EXOC2: variants seen among roughly 807,000 people sequenced by gnomAD.
EXOC2 encodes the protein SEC5-like 1.
Under a neutral mutation model 131.8 loss-of-function variants are expected in EXOC2, and 70 were observed. The observed-to-expected ratio is 0.53, with a 90% confidence interval of 0.44 to 0.65. The LOEUF is 0.65. EXOC2 is among the 30% of genes least tolerant of loss of function. EXOC2 has a pLI of 0.00. For synonymous variants in EXOC2, 411 were observed against 398.4 expected, an observed-to-expected ratio of 1.03 and a Z score of -0.38; for missense variants, 923 against 1,108.6, an observed-to-expected ratio of 0.83 and a Z score of 2.38.
At position 581,302 on chromosome 6, in the gene EXOC2, A is replaced by C. The variant is rs867326632; in HGVS notation, c.1193-4420T>G. Among the ~76,000 whole-genome samples the C allele has an allele frequency of 3.7e-3, 560 of 152,224 alleles. 3 individuals are homozygous for C. Among genetic ancestry groups the C allele is most frequent in the South Asian group, 0.01 (50 of 4,824 alleles). On this transcript the variant is annotated intron_variant, in intron 11 of 27. Coordinates refer to ENST00000230449, the MANE Select transcript of EXOC2 (RefSeq NM_018303.6). ...CAGAGCGAGACTCTGTCTCAAAAAA[A>C]AAAAAAAAAAGTAACAGTGAAAACT...
intron 23 of EXOC2, among the ~76,000 whole-genome samples, chr6:504,222 C>T (rs1419151548): frequency 2.0e-5 from 3 of 152,210 alleles, no homozygotes; most frequent in East Asian, 1.9e-4. Flanking sequence ...CGGTGACGTA[C>T]GGTGATGCAG....
At chr6:499,943 A>G (rs1763949257) in intron 23 of EXOC2, among the ~76,000 whole-genome samples, 1 of 152,188 alleles carries the variant, frequency 6.6e-6, no homozygotes, top group African/African-American at 2.4e-5. Flanking sequence ...TATGTTCTCT[A>G]TAACTGGCTC....
At chr6:496,192 C>T (rs1224683500) in intron 25 of EXOC2, among the ~76,000 whole-genome samples, 1 of 152,140 alleles carries the variant, frequency 6.6e-6, no homozygotes, top group African/African-American at 2.4e-5. Context: ...TTAAGGGTGG[C>T]TTCAGGTGAT....
intron 20 of EXOC2, 30 bp from the exon 21 acceptor site, chr6:553,950 C>T: frequency 6.4e-7 from 1 of 1,562,718 alleles, no homozygotes. Flanking sequence ...GGAACAGTTA[C>T]AAATAAAGCA....
chr6:529,436 A>G (rs1425336861), intron 23 of EXOC2, among the ~76,000 whole-genome samples: 2 of 152,198 alleles, frequency 1.3e-5, no homozygotes, highest in African/African-American at 4.8e-5. Context: ...TCAGGGGCAA[A>G]TAAATCCTCT....
At position 624,190 on chromosome 6, in the gene EXOC2, C is replaced by A. The variant is rs142273420; in HGVS notation, c.423-4647G>T. Among the ~76,000 whole-genome samples the A allele has an allele frequency of 7.0e-4, 107 of 152,262 alleles. 2 individuals carry two copies. The East Asian group carries it at 0.016, about 22-fold the overall frequency. On this transcript the variant is annotated intron_variant, in intron 4 of 27. Coordinates refer to ENST00000230449, the MANE Select transcript of EXOC2 (RefSeq NM_018303.6). ...AAAAAATGAATACCAATGCCAGAGT[C>A]CATGAAGCTCCATGGGTAACACAGC...
At chr6:692,088 G>GC (rs1375017331) in intron 1 of EXOC2, among the ~76,000 whole-genome samples, 2 of 152,178 alleles carry the variant, frequency 1.3e-5, no homozygotes, top group East Asian at 3.8e-4. Flanking sequence ...ATCCACATAA[G>GC]CTCAGAAGTA....
At chr6:634,840 G>T (rs1396035190) in intron 2 of EXOC2, among the ~76,000 whole-genome samples, 1 of 151,464 alleles carries the variant, frequency 6.6e-6, no homozygotes, top group African/African-American at 2.4e-5. Flanking sequence ...AATAATTTTT[G>T]TTATGAAAAA....
At chr6:497,329 C>G (rs754597082) in intron 25 of EXOC2, 38 bp downstream of exon 25, 1 of 1,596,644 alleles carries the variant, frequency 6.3e-7, no homozygotes, top group Non-Finnish European at 8.6e-7. Flanking sequence ...CTTTAAATAA[C>G]AACAGAAGTT....
At chr6:584,597 C>T (rs939117494) in intron 11 of EXOC2, among the ~76,000 whole-genome samples, 2 of 152,168 alleles carry the variant, frequency 1.3e-5, no homozygotes, top group African/African-American at 4.8e-5. Context: ...TATAATAGCT[C>T]CACCACTGTG....
chr6:489,239 G>A (rs994354782), intron 26 of EXOC2, among the ~76,000 whole-genome samples: 4 of 152,156 alleles, frequency 2.6e-5, no homozygotes, highest in Non-Finnish European at 4.4e-5. Context: ...TTGTAGCAAC[G>A]GGGTCAGAAA....
At chr6:626,997 AT>A (rs1343237772) in intron 4 of EXOC2, among the ~76,000 whole-genome samples, 1 of 152,150 alleles carries the variant, frequency 6.6e-6, no homozygotes, top group African/African-American at 2.4e-5. Flanking sequence ...GTTTTTAATT[AT>A]TTTTTTAAAA....
intron 1 of EXOC2, among the ~76,000 whole-genome samples, chr6:683,251 C>A (rs780901527): frequency 6.6e-6 from 1 of 152,158 alleles, no homozygotes; most frequent in Non-Finnish European, 1.5e-5. Flanking sequence ...AATAAAGAAG[C>A]TAAACAATGC....
intron 23 of EXOC2, chr6:525,476 A>G (rs1435562363): frequency 6.6e-6 from 1 of 152,250 alleles, no homozygotes; most frequent in Non-Finnish European, 1.5e-5. Context: ...AATATCAGGA[A>G]AAACTGTCAA....
At chr6:604,678 G>C (rs1209060925) in intron 7 of EXOC2, among the ~76,000 whole-genome samples, 1 of 146,914 alleles carries the variant, frequency 6.8e-6, no homozygotes, top group Non-Finnish European at 1.5e-5. Context: ...CTGCTTCCTG[G>C]GCTGCGGCCT....
At chr6:669,091 C>T (rs772271070) in intron 1 of EXOC2, 7 of 152,366 alleles carry the variant, frequency 4.6e-5, no homozygotes, top group Non-Finnish European at 8.8e-5. Context: ...CTGCAACTGT[C>T]TGCATCCCAC....
chr6:535,739 T>C (rs1448798861), intron 22 of EXOC2, among the ~76,000 whole-genome samples: 1 of 152,210 alleles, frequency 6.6e-6, no homozygotes, highest in Admixed American at 6.5e-5. Flanking sequence ...GAAGAAATTA[T>C]AGCACACACA....
chr6:692,381 T>C (rs995117344), intron 1 of EXOC2, among the ~76,000 whole-genome samples: 1 of 152,262 alleles, frequency 6.6e-6, no homozygotes, highest in Non-Finnish European at 1.5e-5. Context: ...TCCAGGCTGC[T>C]GGTGTGCGGA....
intron 6 of EXOC2, among the ~76,000 whole-genome samples, chr6:611,635 A>T (rs1323779883): frequency 2.6e-5 from 4 of 152,228 alleles, no homozygotes; most frequent in African/African-American, 9.6e-5. Flanking sequence ...AGACACTGGG[A>T]TCTGATAAAG....
Sources: allele counts gnomAD v4.1 joint callset (sites outside exome capture counted in the v4.1 genomes callset), GRCh38; gene constraint gnomAD v4.1.1; transcripts MANE v1.5; gene names NCBI Gene and HGNC (gene_info 2026-07-23, HGNC 2026-07-21).